Variants in BIRC6 observed in about 807,000 individuals in gnomAD.
The protein encoded by BIRC6 is baculoviral IAP repeat containing 6.
Under a neutral mutation model 503.3 loss-of-function variants are expected in BIRC6, and 98 were observed. The ratio of observed to expected loss-of-function variants is 0.19; its 90% CI spans 0.17 to 0.23. BIRC6 has a LOEUF of 0.23. Among genes scored for constraint, BIRC6 ranks in the 10% least tolerant of loss-of-function variants. The pLI, the probability that BIRC6 is intolerant of heterozygous loss-of-function variation, is 1.00. For synonymous variants in BIRC6, 2,240 were observed against 2,078.7 expected (o/e 1.08, Z -2.11); for missense variants, 5,360 against 5,806.0 (o/e 0.92, Z 2.50).
rs186667512 is a variant in BIRC6 at position 32,598,047 on chromosome 2, A to G, written c.13830+79A>G. 1.2e-5 allele frequency: 15 copies of G among 1,263,534 alleles called. No individual in the cohort carries two copies. The Admixed American group carries it at 3.1e-4, about 26-fold the overall frequency. 78.3% of individuals were successfully genotyped at this position (1,263,534 alleles called of 1,614,324 possible). A position where few individuals can be genotyped will look rare whatever the true frequency, so the allele number is the denominator to read the frequency against. ...TACTCAAATTTTTATACAAAACTGG[A>G]AATACTATACAAATAAATTATACAA... On this transcript the variant is annotated intron_variant, in intron 69 of 73. Transcript: ENST00000421745.
chr2:32,524,823 C>T (rs2710610), intron 57 of BIRC6, 65 bp from the exon 58 acceptor site: 1,108,911 of 1,108,916 alleles, frequency 1, 554,453 homozygotes, highest in Middle Eastern at 1. Context: ...CCCTCTGAAA[C>T]ATATATTACT....
intron 1 of BIRC6, among the ~76,000 whole-genome samples, chr2:32,361,821 A>G (rs940041298): frequency 2.6e-5 from 4 of 151,938 alleles, no homozygotes; most frequent in Non-Finnish European, 5.9e-5. Flanking sequence ...TGCCTTCTTT[A>G]TCTATATGCA....
chr2:32,459,358 T>TA, intron 23 of BIRC6, among the ~76,000 whole-genome samples: 1 of 152,350 alleles, frequency 6.6e-6, no homozygotes, highest in African/African-American at 2.4e-5. Flanking sequence ...TTTTGGCTGT[T>TA]ATGTCTAATG....
intron 62 of BIRC6, 71 bp from the exon 63 acceptor site, chr2:32,545,572 G>T: frequency 7.9e-7 from 1 of 1,263,884 alleles, no homozygotes. Context: ...ATTAATTTAT[G>T]ACCCTGTATG....
chr2:32,605,881 A>T (rs1169258841), intron 71 of BIRC6, among the ~76,000 whole-genome samples: 1 of 152,212 alleles, frequency 6.6e-6, no homozygotes, highest in Non-Finnish European at 1.5e-5. Flanking sequence ...AATAAAAATT[A>T]AAAATATGAG....
chr2:32,373,360 A>G (rs1053857681), intron 1 of BIRC6, among the ~76,000 whole-genome samples: 2 of 152,254 alleles, frequency 1.3e-5, no homozygotes, highest in East Asian at 1.9e-4. Context: ...ACAGTAATCA[A>G]TATAGCAAAG....
chr2:32,555,145 TCC>T (rs1373184290), intron 65 of BIRC6, among the ~76,000 whole-genome samples: 1 of 152,190 alleles, frequency 6.6e-6, no homozygotes. Context: ...TAACTGTATA[TCC>T]TTATTTATAG....
At chr2:32,439,394 C>A in intron 15 of BIRC6, 114 bp from the exon 16 acceptor site, 1 of 1,028,272 alleles carries the variant, frequency 9.7e-7, no homozygotes, top group Non-Finnish European at 1.4e-6. Flanking sequence ...TTTGAAAGTT[C>A]TGGCCTACTG....
intron 26 of BIRC6, 77 bp from the exon 27 acceptor site, chr2:32,467,448 T>C: frequency 8.9e-7 from 1 of 1,126,516 alleles, no homozygotes; most frequent in Non-Finnish European, 1.3e-6. Context: ...TTAAGATGAG[T>C]GCTCCAAATT....
At chr2:32,612,534 C>T (rs1454650351) in intron 73 of BIRC6, among the ~76,000 whole-genome samples, 1 of 151,982 alleles carries the variant, frequency 6.6e-6, no homozygotes, top group Admixed American at 6.5e-5. Flanking sequence ...GTCTTCACTT[C>T]AAACAACTAG....
intron 10 of BIRC6, among the ~76,000 whole-genome samples, chr2:32,417,409 G>A (rs930158879): frequency 6.6e-6 from 1 of 152,154 alleles, no homozygotes; most frequent in Admixed American, 6.5e-5. Flanking sequence ...CTCCCAAAGT[G>A]CTGGGATTAC....
At chr2:32,361,892 A>T (rs1468885694) in intron 1 of BIRC6, among the ~76,000 whole-genome samples, 2 of 152,184 alleles carry the variant, frequency 1.3e-5, no homozygotes, top group African/African-American at 4.8e-5. Context: ...GCGCTAAATA[A>T]TATTCCATTG....
chr2:32,526,678 T>C (rs947288476), intron 59 of BIRC6: 1 of 156,820 alleles, frequency 6.4e-6, no homozygotes, highest in Non-Finnish European at 1.4e-5. Context: ...ATGAAGATAT[T>C]GATTGTGTAT....
At chr2:32,613,029 A>G (rs1182020347) in intron 73 of BIRC6, among the ~76,000 whole-genome samples, 2 of 152,090 alleles carry the variant, frequency 1.3e-5, no homozygotes, top group East Asian at 1.9e-4. Context: ...TCTCAACGCC[A>G]GTGACCCTGG....
At chr2:32,583,308 T>G (rs970547908) in intron 66 of BIRC6, among the ~76,000 whole-genome samples, 1 of 152,236 alleles carries the variant, frequency 6.6e-6, no homozygotes, top group East Asian at 1.9e-4. Flanking sequence ...GATGATGTTT[T>G]AATATTTTTT....
In BIRC6 at chr2:32,357,526, A is replaced by G. The variant is rs1407885192; in HGVS notation, c.325+40A>G. On this transcript the variant is annotated intron_variant, in intron 1 of 73. Coordinates refer to ENST00000421745, the MANE Select transcript of BIRC6 (RefSeq NM_016252.4). This position sits in a 1 kb window ranked among gnomAD's most constrained non-coding sequence, Gnocchi z 4.9. ...CGCCGGGCGGGCGCGAAGCCGGGGA[A>G]AGAAGCCGTCCAGCCCCGGGGCTCG... 3.9e-6 allele frequency: 6 copies of G among 1,531,544 alleles called. No homozygotes were observed. In the Admixed American group the frequency reaches 1.0e-4, roughly 26 times the overall value. The allele number at this position is 1,531,544 out of a possible 1,614,324, so 94.9% of individuals were successfully genotyped here. A position where few individuals can be genotyped will look rare whatever the true frequency, so the allele number is the denominator to read the frequency against.
chr2:32,519,109 G>A (rs921745294), intron 57 of BIRC6, 163 bp downstream of exon 57: 1 of 683,632 alleles, frequency 1.5e-6, no homozygotes. Context: ...CCAGTCAAGT[G>A]GACAAAATGT....
chr2:32,610,713 A>G (rs1025551683), intron 72 of BIRC6, among the ~76,000 whole-genome samples: 2 of 152,140 alleles, frequency 1.3e-5, no homozygotes, highest in African/African-American at 2.4e-5. Flanking sequence ...TCTGACCACA[A>G]TTGTACACTC....
intron 62 of BIRC6, among the ~76,000 whole-genome samples, chr2:32,544,586 A>T (rs2057920364): frequency 6.7e-6 from 1 of 150,286 alleles, no homozygotes; most frequent in African/African-American, 2.4e-5. Context: ...CATGGTTTTG[A>T]TTAGGGTCGA....
Sources: allele counts gnomAD v4.1 joint callset (sites outside exome capture counted in the v4.1 genomes callset), GRCh38; gene constraint gnomAD v4.1.1; non-coding constraint Gnocchi (gnomAD v3.1); transcripts MANE v1.5; gene names NCBI Gene and HGNC (gene_info 2026-07-23, HGNC 2026-07-21).